Variants in EXOC6B observed in about 807,000 individuals in gnomAD.
EXOC6B encodes SEC15 homolog B.
In EXOC6B, 54 loss-of-function variants were observed where a neutral mutation model predicts 113.5. That is an observed-to-expected ratio of 0.48 (90% CI 0.38 to 0.60). The LOEUF (loss-of-function observed/expected upper bound fraction) is 0.60. Ranked by LOEUF, EXOC6B falls within the 20% of genes least tolerant of loss-of-function variation. The pLI, the probability that EXOC6B is intolerant of heterozygous loss-of-function variation, is 0.00. For missense variants in EXOC6B, 797 were observed against 977.5 expected (o/e 0.82, Z 2.46); for synonymous variants, 357 against 339.0 (o/e 1.05, Z -0.58).
intron 6 of EXOC6B, among the ~76,000 whole-genome samples, chr2:72,688,587 C>T (rs767898326): frequency 6.6e-6 from 1 of 152,006 alleles, no homozygotes; most frequent in Non-Finnish European, 1.5e-5. Context: ...GGTATTAATT[C>T]CCCATTTCTG....
intron 20 of EXOC6B, among the ~76,000 whole-genome samples, chr2:72,259,243 T>C (rs1172810581): frequency 6.6e-6 from 1 of 152,204 alleles, no homozygotes; most frequent in Non-Finnish European, 1.5e-5. Flanking sequence ...ATCTATGAAT[T>C]ATAGATTGTC....
intron 18 of EXOC6B, among the ~76,000 whole-genome samples, chr2:72,412,930 TTCTCTTTC>T (rs566364179): frequency 7.8e-4 from 119 of 152,078 alleles, no homozygotes; most frequent in Non-Finnish European, 1.5e-3. Context: ...CTTTCCTTCC[TTCTCTTTC>T]TCTCTTTCTC....
intron 20 of EXOC6B, among the ~76,000 whole-genome samples, chr2:72,241,517 C>G (rs1475964375): frequency 6.6e-6 from 1 of 151,894 alleles, no homozygotes; most frequent in African/African-American, 2.4e-5. Context: ...GAACATGAAG[C>G]AAGATAAATA....
At chr2:72,423,960 T>G (rs1379557691) in intron 18 of EXOC6B, among the ~76,000 whole-genome samples, 1 of 152,252 alleles carries the variant, frequency 6.6e-6, no homozygotes, top group Admixed American at 6.5e-5. Flanking sequence ...GGCAAAGGAA[T>G]ATATTCTTTT....
At chr2:72,220,698 CTTTAT>C (rs1162440273) in intron 20 of EXOC6B, among the ~76,000 whole-genome samples, 1 of 152,030 alleles carries the variant, frequency 6.6e-6, no homozygotes, top group South Asian at 2.1e-4. Flanking sequence ...AATCAATTTA[CTTTAT>C]AAGAAAAAAA....
chr2:72,248,831 GAAAGAAAA>G (rs1444648658), intron 20 of EXOC6B, among the ~76,000 whole-genome samples: 1 of 152,120 alleles, frequency 6.6e-6, no homozygotes, highest in East Asian at 1.9e-4. Flanking sequence ...AGAAAAATAG[GAAAGAAAA>G]ACAGATGAAC....
intron 18 of EXOC6B, among the ~76,000 whole-genome samples, chr2:72,399,713 C>T (rs944738311): frequency 1.3e-5 from 2 of 151,974 alleles, no homozygotes; most frequent in Non-Finnish European, 2.9e-5. Flanking sequence ...TTATAAAATA[C>T]CCAGAAATAC....
intron 11 of EXOC6B, among the ~76,000 whole-genome samples, chr2:72,501,662 T>C (rs1252049577): frequency 6.6e-6 from 1 of 151,604 alleles, no homozygotes; most frequent in African/African-American, 2.4e-5. Flanking sequence ...TAATAAATTA[T>C]ATCCTTTTTG....
chr2:72,713,332 T>G (rs1384077632), intron 6 of EXOC6B, among the ~76,000 whole-genome samples: 1 of 152,230 alleles, frequency 6.6e-6, no homozygotes, highest in East Asian at 1.9e-4. Flanking sequence ...CAAGTCTGTT[T>G]TCTCAGTACA....
Position 72,495,575 on chromosome 2 carries a change from A to C in EXOC6B, c.1444-36T>G, listed in dbSNP as rs192314745. 1.5e-4 allele frequency: 171 copies of C among 1,104,238 alleles called. No individual in the cohort carries two copies. In the African/African-American group the frequency reaches 2.5e-3, roughly 16 times the overall value. The allele number at this position is 1,104,238 out of a possible 1,614,324, so 68.4% of individuals were successfully genotyped here. ...AAGAAGTAATGAAATCAAGTCACAA[A>C]CCAACGAAGATTGAAGATATTTATA... is the stretch of plus-strand genomic sequence containing the variant. On this transcript the variant is annotated intron_variant, in intron 14 of 21. Coordinates refer to ENST00000272427, the MANE Select transcript of EXOC6B (RefSeq NM_015189.3).
chr2:72,224,661 G>A (rs1055978413), intron 20 of EXOC6B, among the ~76,000 whole-genome samples: 4 of 151,848 alleles, frequency 2.6e-5, no homozygotes, highest in South Asian at 2.1e-4. Context: ...ACAAAGTCTC[G>A]CTCTGTTGCC....
chr2:72,747,641 T>G (rs558092086), intron 1 of EXOC6B, among the ~76,000 whole-genome samples: 7 of 152,192 alleles, frequency 4.6e-5, no homozygotes, highest in Non-Finnish European at 1.0e-4. Flanking sequence ...CATTGTTCAG[T>G]CTTCAAAGGT....
At chr2:72,598,460 GAAGA>G (rs1169790932) in intron 6 of EXOC6B, among the ~76,000 whole-genome samples, 1 of 151,956 alleles carries the variant, frequency 6.6e-6, no homozygotes, top group Non-Finnish European at 1.5e-5. Context: ...AACCAGTAAA[GAAGA>G]AAGATCTAAA....
intron 19 of EXOC6B, among the ~76,000 whole-genome samples, chr2:72,362,265 A>C (rs191212665): frequency 3.5e-4 from 53 of 152,306 alleles, no homozygotes; most frequent in African/African-American, 1.2e-3. Context: ...TACATTTAAA[A>C]AGATGCAATT....
At chr2:72,552,531 A>G (rs185934551) in intron 8 of EXOC6B, among the ~76,000 whole-genome samples, 237 of 152,294 alleles carry the variant, frequency 1.6e-3, no homozygotes, top group African/African-American at 5.0e-3. Flanking sequence ...GGCTAAAACA[A>G]CACTGACTTA....
intron 18 of EXOC6B, among the ~76,000 whole-genome samples, chr2:72,392,101 C>T (rs1429377515): frequency 6.6e-6 from 1 of 152,054 alleles, no homozygotes; most frequent in Non-Finnish European, 1.5e-5. Context: ...CTGTGCAGGT[C>T]CTGGTTCCTC....
intron 17 of EXOC6B, among the ~76,000 whole-genome samples, chr2:72,474,316 G>A (rs905702875): frequency 4.0e-4 from 61 of 152,026 alleles, no homozygotes; most frequent in African/African-American, 1.4e-3. Flanking sequence ...TCACTCATTG[G>A]ACTTGAGAAA....
At chr2:72,748,878 AACAACAG>A (rs999472187) in intron 1 of EXOC6B, among the ~76,000 whole-genome samples, 1 of 152,038 alleles carries the variant, frequency 6.6e-6, no homozygotes, top group African/African-American at 2.4e-5. Context: ...CAGTCAAATC[AACAACAG>A]ACTATTAGGA....
rs183594179 is a variant in EXOC6B at position 72,264,432 on chromosome 2, G to A, written c.2196+70515C>T. Among the ~76,000 whole-genome samples, 98 of 152,196 alleles carry A rather than the reference G, an allele frequency of 6.4e-4. 3 individuals carry two copies. In the East Asian group the frequency reaches 0.013, roughly 20 times the overall value. ...CAAAAATACAAAAAATTAGCCAGGC[G>A]TGATGGCAGGTGCCTATAATCCCAG... On this transcript the variant is annotated intron_variant, in intron 20 of 21. Coordinates refer to ENST00000272427, the MANE Select transcript of EXOC6B (RefSeq NM_015189.3).
Sources: gnomAD v4.1 joint callset for allele counts (sites outside exome capture counted in the v4.1 genomes callset) on GRCh38, gnomAD v4.1.1 for gene constraint, MANE v1.5 for transcripts, NCBI Gene and HGNC (gene_info 2026-07-23, HGNC 2026-07-21) for gene names.